Variants in PRDM1 observed in about 807,000 individuals in gnomAD.
The protein encoded by PRDM1 is PR domain zinc finger protein 1.
Under a neutral mutation model 62.8 loss-of-function variants are expected in PRDM1, and 13 were observed. The ratio of observed to expected loss-of-function variants is 0.21; its 90% CI spans 0.13 to 0.33. The LOEUF is 0.33. Ranked by LOEUF, PRDM1 falls within the 10% of genes least tolerant of loss-of-function variation. PRDM1 has a pLI of 1.00. For synonymous variants in PRDM1, 396 were observed against 417.6 expected (o/e 0.95, Z 0.63); for missense variants, 895 against 1,058.8 (o/e 0.85, Z 2.15).
At chr6:106,018,567 C>G (rs1772653287) in intron 1 of PRDM1, among the ~76,000 whole-genome samples, 2 of 152,144 alleles carry the variant, frequency 1.3e-5, no homozygotes, top group South Asian at 4.1e-4. Flanking sequence ...GACAGTTTCT[C>G]TGAATTTTCT....
intron 2 of PRDM1, among the ~76,000 whole-genome samples, chr6:106,090,309 A>C (rs1367637332): frequency 6.6e-6 from 1 of 152,250 alleles, no homozygotes; most frequent in East Asian, 1.9e-4. Context: ...ACCAAAAAAC[A>C]GACAATGCCT....
chr6:106,032,536 C>T (rs1422897104), intron 1 of PRDM1, among the ~76,000 whole-genome samples: 1 of 151,862 alleles, frequency 6.6e-6, no homozygotes, highest in Non-Finnish European at 1.5e-5. Context: ...CTCCTGGGTT[C>T]AAGCAATTCT....
intron 1 of PRDM1, among the ~76,000 whole-genome samples, chr6:106,018,133 T>C (rs1052016841): frequency 1.3e-4 from 20 of 152,144 alleles, no homozygotes; most frequent in Admixed American, 1.2e-3. Flanking sequence ...TGAAACATCT[T>C]GATTTTTTGA....
intron 1 of PRDM1, among the ~76,000 whole-genome samples, chr6:106,036,423 G>C (rs540853664): frequency 3.3e-5 from 5 of 152,050 alleles, no homozygotes; most frequent in Non-Finnish European, 7.4e-5. Context: ...TGTATATTCC[G>C]TAACTATTTA....
At position 106,105,312 on chromosome 6, in the gene PRDM1, A is replaced by G. The variant is rs1774433632; in HGVS notation, c.1152A>G (p.Glu384=). 1.2e-6 allele frequency: 2 copies of G among 1,613,144 alleles called. No individual in the cohort carries two copies. Among genetic ancestry groups the G allele is most frequent in the African/African-American group, 1.3e-5 (1 of 75,022 alleles). Residue 384 remains glutamate (E), a synonymous_variant, in exon 5 of 7, where the codon GAA becomes GAG. Coordinates refer to ENST00000369096, the MANE Select transcript of PRDM1 (RefSeq NM_001198.4). ...ACTTGAACGCGTCCTACGGCACGGAAGGTTTGGGCTCCTACCCTGGCTACG... is the reference window on the plus strand; with the variant it reads ...ACTTGAACGCGTCCTACGGCACGGAGGGTTTGGGCTCCTACCCTGGCTACG... The part of the protein sequence containing the change: ...YAYLNASYGT[E]GLGSYPGYAP...
At position 106,107,433 on chromosome 6, in the gene PRDM1, C is replaced by A; in HGVS notation, c.2425C>A (p.Pro809Thr). The A allele has an allele frequency of 6.2e-7, 1 of 1,613,982 alleles. No individual in the cohort carries two copies. Among genetic ancestry groups the A allele is most frequent in the East Asian group, 2.2e-5 (1 of 44,890 alleles). Residue 809 changes from proline to threonine, a missense_variant, in exon 7 of 7, where the codon CCT becomes ACT. Physicochemically the swap from Pro to Thr is conservative, Grantham distance 38. Transcript: ENST00000369096. ...LMKLPPSNPL[P>T]LVPVKVKQET... ...GAAGTTGCCTCCCAGCAACCCACTA[C>A]CTCTGGTACCTGTAAAGGTCAAACA...
rs1773805961 is a variant in PRDM1, at chr6:106,086,401, C to G, written c.-153C>G. ...GTTGCGGAGAGGCAAGAGCAGCGAC[C>G]GCGGCACCTGTCCGCCCGGAGCTGG... On this transcript the variant is annotated 5_prime_UTR_variant, in exon 1 of 7. Coordinates refer to ENST00000369096, the MANE Select transcript of PRDM1 (RefSeq NM_001198.4). 6.4e-6 allele frequency: 4 copies of G among 623,514 alleles called. No homozygotes were observed. Among genetic ancestry groups the G allele is most frequent in the South Asian group, 2.2e-5 (1 of 46,476 alleles). The allele number at this position is 623,514 out of a possible 1,614,324, so 38.6% of individuals were successfully genotyped here. A position where few individuals can be genotyped will look rare whatever the true frequency, so the allele number is the denominator to read the frequency against.
At chr6:106,069,922 G>A (rs1455599380) in intron 1 of PRDM1, among the ~76,000 whole-genome samples, 4 of 152,170 alleles carry the variant, frequency 2.6e-5, no homozygotes, top group African/African-American at 9.7e-5. Context: ...TGTGTTAACT[G>A]ATGCTAGAAG....
chr6:106,060,385 A>C (rs1301471922), intron 1 of PRDM1, among the ~76,000 whole-genome samples: 2 of 152,220 alleles, frequency 1.3e-5, no homozygotes, highest in African/African-American at 4.8e-5. Flanking sequence ...ACTGGTGAGC[A>C]GTGTGAAAGG....
chr6:106,103,886 G>C (rs1429231615), intron 4 of PRDM1, among the ~76,000 whole-genome samples: 1 of 152,202 alleles, frequency 6.6e-6, no homozygotes, highest in Non-Finnish European at 1.5e-5. Context: ...CCAGGGGCCA[G>C]CACTGCTGGG....
At chr6:106,098,452 G>C (rs1471962579) in intron 3 of PRDM1, 1 of 985,382 alleles carries the variant, frequency 1.0e-6, no homozygotes, top group Non-Finnish European at 1.2e-6. Flanking sequence ...ATTCTGCGTT[G>C]CCTTTAAGGA....
At chr6:106,034,563 T>C (rs534863327) in intron 1 of PRDM1, among the ~76,000 whole-genome samples, 5 of 152,080 alleles carry the variant, frequency 3.3e-5, no homozygotes, top group South Asian at 4.1e-4. Context: ...TCCCTTCTGT[T>C]ATTGATGTCT....
At chr6:106,039,247 C>T (rs1582434709) in intron 1 of PRDM1, among the ~76,000 whole-genome samples, 1 of 152,176 alleles carries the variant, frequency 6.6e-6, no homozygotes, top group East Asian at 1.9e-4. Context: ...TGGGGAGAGG[C>T]TCAGAGCTTT....
At chr6:105,999,393 CA>C (rs775068525) in intron 1 of PRDM1, among the ~76,000 whole-genome samples, 103 of 136,870 alleles carry the variant, frequency 7.5e-4, no homozygotes, top group East Asian at 1.1e-3. Flanking sequence ...CCCATGTCTA[CA>C]AAAAAAAAAA....
intron 1 of PRDM1, among the ~76,000 whole-genome samples, chr6:106,038,949 C>T (rs1772957345): frequency 6.6e-6 from 1 of 152,216 alleles, no homozygotes; most frequent in Non-Finnish European, 1.5e-5. Context: ...TCTCTCCCAA[C>T]TGCCATTTCA....
Position 106,104,809 on chromosome 6 carries a change from T to G in PRDM1, c.665-16T>G. ...CTCTAGCCCTCTGTGTAATCGCCCC[T>G]TTTTCTTTATTTCAGCACAAACACA... is the stretch of plus-strand genomic sequence containing the variant. On this transcript the variant is annotated splice_polypyrimidine_tract_variant and intron_variant, in intron 4 of 6. Transcript: ENST00000369096. 6.3e-7 allele frequency: 1 copy of G among 1,599,236 alleles called. No homozygotes were observed. Among genetic ancestry groups the G allele is most frequent in the Non-Finnish European group, 8.5e-7 (1 of 1,174,108 alleles).
At chr6:106,011,180 A>G (rs1201890892) in intron 1 of PRDM1, among the ~76,000 whole-genome samples, 1 of 152,158 alleles carries the variant, frequency 6.6e-6, no homozygotes, top group Non-Finnish European at 1.5e-5. Context: ...ATTAAATTAC[A>G]TTGCTATAGA....
rs780862778 is a variant in PRDM1, at chr6:106,099,369, T to C, written c.481T>C (p.Tyr161His). The C allele has an allele frequency of 1.9e-6, 3 of 1,614,118 alleles. No homozygotes were observed. Among genetic ancestry groups the C allele is most frequent in the East Asian group, 2.2e-5 (1 of 44,888 alleles). Reference sequence around the variant, plus strand: ...TGAAGAGAAAAGCAACTGGATGCGCTATGTGAATCCAGCACACTCTCCCCG... The same window carrying C: ...TGAAGAGAAAAGCAACTGGATGCGCCATGTGAATCCAGCACACTCTCCCCG... ...FNEEKSNWMR[Y>H]VNPAHSPREQ... The change falls in exon 4 of 7, where the codon TAT (tyrosine) becomes CAT (histidine). Residue 161 changes from tyrosine (Y) to histidine (H), a missense_variant. Tyr to His is a moderately conservative substitution (Grantham distance 83). Transcript: ENST00000369096.
intron 1 of PRDM1, among the ~76,000 whole-genome samples, chr6:106,040,137 A>G (rs1772973750): frequency 6.6e-6 from 1 of 152,268 alleles, no homozygotes; most frequent in South Asian, 2.1e-4. Flanking sequence ...AGCTACATGC[A>G]CTGGTTATTA....
Sources: gnomAD v4.1 joint callset for allele counts (sites outside exome capture counted in the v4.1 genomes callset) on GRCh38, gnomAD v4.1.1 for gene constraint, MANE v1.5 for transcripts, NCBI Gene and HGNC (gene_info 2026-07-23, HGNC 2026-07-21) for gene names.